PRKCB: variants seen among roughly 807,000 people sequenced by gnomAD.
PRKCB encodes the protein protein kinase C beta.
Under a neutral mutation model 81.5 loss-of-function variants are expected in PRKCB, and 13 were observed. The ratio of observed to expected loss-of-function variants is 0.16; its 90% CI spans 0.10 to 0.25. The LOEUF is 0.25. Ranked by LOEUF, PRKCB falls within the 10% of genes least tolerant of loss-of-function variation. PRKCB has a pLI of 1.00. For synonymous variants in PRKCB, 335 were observed against 321.4 expected (o/e 1.04, Z -0.45); for missense variants, 509 against 875.7 (o/e 0.58, Z 5.29).
intron 5 of PRKCB, among the ~76,000 whole-genome samples, chr16:24,046,326 C>T (rs1367062223): frequency 1.3e-5 from 2 of 152,232 alleles, no homozygotes; most frequent in African/African-American, 2.4e-5. Flanking sequence ...TGTTGGGGGC[C>T]TCCCATGTGC....
chr16:23,953,240 G>C (rs1480398817), intron 2 of PRKCB, among the ~76,000 whole-genome samples: 1 of 152,168 alleles, frequency 6.6e-6, no homozygotes, highest in African/African-American at 2.4e-5. Context: ...ATTTACCCTA[G>C]AGAAAGCTAA....
At chr16:23,880,442 G>A (rs1477911884) in intron 2 of PRKCB, among the ~76,000 whole-genome samples, 2 of 151,854 alleles carry the variant, frequency 1.3e-5, no homozygotes, top group African/African-American at 2.4e-5. Flanking sequence ...TTTTAATCCC[G>A]GGATGGGTTC....
intron 8 of PRKCB, among the ~76,000 whole-genome samples, chr16:24,114,283 T>A (rs1163221446): frequency 2.1e-5 from 3 of 144,270 alleles, no homozygotes; most frequent in African/African-American, 2.6e-5. Context: ...AAAAAAAAAA[T>A]AAGTAGACAG....
chr16:23,955,373 G>A (rs72779908), intron 2 of PRKCB, among the ~76,000 whole-genome samples: 15,074 of 151,994 alleles, frequency 0.099, 1,032 homozygotes, highest in Middle Eastern at 0.16. Flanking sequence ...TTCTTTCTTC[G>A]GTGGACTGTA....
chr16:23,906,618 A>G (rs1963565609), intron 2 of PRKCB, among the ~76,000 whole-genome samples: 1 of 151,750 alleles, frequency 6.6e-6, no homozygotes, highest in Non-Finnish European at 1.5e-5. Flanking sequence ...ATTCTCCCAT[A>G]TTTTCTTTTA....
chr16:23,907,336 A>T (rs906351961), intron 2 of PRKCB, among the ~76,000 whole-genome samples: 2 of 152,244 alleles, frequency 1.3e-5, no homozygotes, highest in Admixed American at 1.3e-4. Context: ...GCAGTGCATG[A>T]TGTGATCATA....
chr16:24,033,959 T>G (rs182307924), intron 4 of PRKCB, among the ~76,000 whole-genome samples: 78 of 151,498 alleles, frequency 5.1e-4, no homozygotes, highest in Admixed American at 4.9e-3. Context: ...CAGAGACAAG[T>G]GCAGAGAGTG....
rs147352656 is a variant in PRKCB at position 23,945,192 on chromosome 16, G to A, written c.206-43316G>A. Among the ~76,000 whole-genome samples the A allele has an allele frequency of 2.8e-4, 43 of 152,220 alleles. 1 individual carries two copies. In the Middle Eastern group the frequency reaches 0.014, roughly 48 times the overall value. On this transcript the variant is annotated intron_variant, in intron 2 of 16. Coordinates refer to ENST00000643927, the MANE Select transcript of PRKCB (RefSeq NM_002738.7). ...GTTCCCAGCTTTTTGACACCACAGG[G>A]GCACCCTGACAATTCTGGCAATAAG...
At chr16:24,060,273 G>C (rs924749865) in intron 5 of PRKCB, among the ~76,000 whole-genome samples, 1 of 152,138 alleles carries the variant, frequency 6.6e-6, no homozygotes, top group Non-Finnish European at 1.5e-5. Context: ...AGAGTAGCCT[G>C]TACCTTGCAG....
intron 5 of PRKCB, among the ~76,000 whole-genome samples, chr16:24,045,417 G>A (rs1965751761): frequency 6.6e-6 from 1 of 152,062 alleles, no homozygotes; most frequent in Non-Finnish European, 1.5e-5. Context: ...AAGGTCGCTG[G>A]CATCATCCTT....
At chr16:24,104,387 T>C (rs1488300551) in intron 7 of PRKCB, among the ~76,000 whole-genome samples, 3 of 152,214 alleles carry the variant, frequency 2.0e-5, no homozygotes, top group Admixed American at 1.3e-4. Flanking sequence ...AGTGAGCACC[T>C]GCTGTGCTGA....
intron 3 of PRKCB, among the ~76,000 whole-genome samples, chr16:24,031,095 A>T (rs1965545635): frequency 6.6e-6 from 1 of 152,102 alleles, no homozygotes; most frequent in South Asian, 2.1e-4. Context: ...AAAACCATCA[A>T]ACAACTTGCA....
chr16:23,870,440 A>C (rs1452377779), intron 2 of PRKCB, among the ~76,000 whole-genome samples: 2 of 152,212 alleles, frequency 1.3e-5, no homozygotes, highest in Non-Finnish European at 1.5e-5. Context: ...TCAGATAAGG[A>C]AACAGAGGCT....
intron 2 of PRKCB, among the ~76,000 whole-genome samples, chr16:23,918,421 G>T (rs1316295204): frequency 2.6e-5 from 4 of 150,966 alleles, no homozygotes; most frequent in Non-Finnish European, 5.9e-5. Flanking sequence ...TTTTGAAATA[G>T]AGTTTCACTC....
chr16:24,150,883 C>G (rs449072), intron 9 of PRKCB, among the ~76,000 whole-genome samples: 1 of 152,080 alleles, frequency 6.6e-6, no homozygotes, highest in Non-Finnish European at 1.5e-5. Flanking sequence ...TATGCATGCC[C>G]GTTCTGTTTT....
chr16:24,128,833 A>G (rs1211339854), intron 9 of PRKCB, among the ~76,000 whole-genome samples: 1 of 152,148 alleles, frequency 6.6e-6, no homozygotes, highest in Admixed American at 6.5e-5. Context: ...GGTGCTTAGA[A>G]TTTTATCCTT....
chr16:23,956,120 C>CT (rs1239218024), intron 2 of PRKCB, among the ~76,000 whole-genome samples: 1 of 151,930 alleles, frequency 6.6e-6, no homozygotes, highest in African/African-American at 2.4e-5. Context: ...ATCCTATATA[C>CT]TTTTTTTATA....
chr16:24,181,075 G>A lies in PRKCB; in HGVS notation c.1533+147G>A, dbSNP rs139991298. Reference sequence around the variant, plus strand: ...ATTCTATACTCTAAATCCTCCCTTTGAGATCACACATGCAAATTAATTTAG... The same window carrying A: ...ATTCTATACTCTAAATCCTCCCTTTAAGATCACACATGCAAATTAATTTAG... On this transcript the variant is annotated intron_variant, in intron 13 of 16. Transcript: ENST00000643927. 3.7e-5 allele frequency: 38 copies of A among 1,034,612 alleles called. No homozygotes were observed. In the African/African-American group the frequency reaches 5.5e-4, roughly 15 times the overall value. The allele number at this position is 1,034,612 out of a possible 1,614,324, so 64.1% of individuals were successfully genotyped here. A position where few individuals can be genotyped will look rare whatever the true frequency, so the allele number is the denominator to read the frequency against.
intron 2 of PRKCB, among the ~76,000 whole-genome samples, chr16:23,852,045 A>C (rs1172029873): frequency 6.6e-6 from 1 of 152,188 alleles, no homozygotes; most frequent in African/African-American, 2.4e-5. Flanking sequence ...TCTGTATATA[A>C]AATCACCTTG....
Sources: gnomAD v4.1 joint callset for allele counts (sites outside exome capture counted in the v4.1 genomes callset) on GRCh38, gnomAD v4.1.1 for gene constraint, MANE v1.5 for transcripts, NCBI Gene and HGNC (gene_info 2026-07-23, HGNC 2026-07-21) for gene names.